EFCAB6: variants seen among roughly 807,000 people sequenced by gnomAD.
EFCAB6 encodes EF-hand calcium binding domain 6.
In EFCAB6, 156 loss-of-function variants were observed where a neutral mutation model predicts 169.8. That is an observed-to-expected ratio of 0.92 (90% CI 0.81 to 1.05). The LOEUF (loss-of-function observed/expected upper bound fraction) is 1.05, where lower values mean the gene tolerates loss of function less well. Among genes scored for constraint, EFCAB6 ranks in the 50% least tolerant of loss-of-function variants. EFCAB6 has a pLI of 0.00. For missense variants in EFCAB6, 1,800 were observed against 1,829.1 expected (o/e 0.98, Z 0.29); for synonymous variants, 698 against 676.4 (o/e 1.03, Z -0.50).
intron 17 of EFCAB6, among the ~76,000 whole-genome samples, chr22:43,662,405 A>C (rs1260417449): frequency 6.6e-6 from 1 of 152,064 alleles, no homozygotes; most frequent in Non-Finnish European, 1.5e-5. Flanking sequence ...GGCTGGTGGG[A>C]ATAAATAATT....
At chr22:43,550,465 A>T (rs1210907876) in intron 27 of EFCAB6, among the ~76,000 whole-genome samples, 1 of 152,156 alleles carries the variant, frequency 6.6e-6, no homozygotes, top group African/African-American at 2.4e-5. Context: ...TGAGATCAGG[A>T]GTTCAAGACC....
chr22:43,794,896 A>G (rs2062444681), intron 2 of EFCAB6, among the ~76,000 whole-genome samples: 1 of 152,216 alleles, frequency 6.6e-6, no homozygotes, highest in African/African-American at 2.4e-5. Context: ...GGGTATCACA[A>G]AAAACAATTT....
chr22:43,606,432 A>G (rs910253577), intron 22 of EFCAB6, among the ~76,000 whole-genome samples: 5 of 152,182 alleles, frequency 3.3e-5, no homozygotes, highest in Non-Finnish European at 7.3e-5. Flanking sequence ...GAACAAATGA[A>G]GAAAGGGTGT....
chr22:43,708,551 GA>G (rs1324993349), intron 10 of EFCAB6, among the ~76,000 whole-genome samples: 2 of 151,988 alleles, frequency 1.3e-5, no homozygotes, highest in African/African-American at 4.8e-5. Flanking sequence ...ACTTGACAGT[GA>G]AAAAAGCAAA....
At chr22:43,748,659 G>A (rs1021723892) in intron 6 of EFCAB6, among the ~76,000 whole-genome samples, 6 of 152,090 alleles carry the variant, frequency 3.9e-5, no homozygotes, top group African/African-American at 1.4e-4. Flanking sequence ...ACTGTTCAAG[G>A]CACTGAAGTT....
chr22:43,609,006 T>C (rs2053119140), intron 21 of EFCAB6, among the ~76,000 whole-genome samples: 1 of 152,198 alleles, frequency 6.6e-6, no homozygotes, highest in African/African-American at 2.4e-5. Flanking sequence ...CTCCAGCTAT[T>C]ATGACAAGAT....
At chr22:43,806,750 C>G (rs1017043917) in intron 2 of EFCAB6, among the ~76,000 whole-genome samples, 68 of 152,304 alleles carry the variant, frequency 4.5e-4, no homozygotes, top group African/African-American at 1.6e-3. Context: ...TGGCACACTT[C>G]AATTAATCTT....
In EFCAB6 at chr22:43,744,546, C is replaced by G. The variant is rs1467656283; in HGVS notation, c.508-8553G>C. Among the ~76,000 whole-genome samples the G allele has an allele frequency of 6.6e-6, 1 of 152,038 alleles. No homozygotes were observed. Among genetic ancestry groups the G allele is most frequent in the Non-Finnish European group, 1.5e-5 (1 of 68,002 alleles). ...ATGACAGGTAGAAATCTTGAGCTGT[C>G]CTGTTCCCAAGGGACTGCTCATCAG... On this transcript the variant is annotated intron_variant, in intron 6 of 31. Transcript: ENST00000262726. This position sits in a 1 kb window ranked among gnomAD's most constrained non-coding sequence, Gnocchi z 4.3.
rs139056195 is a variant in EFCAB6 at position 43,726,822 on chromosome 22, G to A, written c.757+4877C>T. 9.0e-3 allele frequency among the ~76,000 whole-genome samples: 1,375 copies of A among 152,284 alleles called. 22 individuals carry two copies. Among genetic ancestry groups the A allele is most frequent in the African/African-American group, 0.032 (1,329 of 41,576 alleles). ...AATAATGAAACAAAGATGTCCCACCGCTGGGAGGACAAAGTTTAGAGTCTG... is the reference window on the plus strand; with the variant it reads ...AATAATGAAACAAAGATGTCCCACCACTGGGAGGACAAAGTTTAGAGTCTG... On this transcript the variant is annotated intron_variant, in intron 8 of 31. Transcript: ENST00000262726.
chr22:43,687,431 T>G (rs749985727), intron 11 of EFCAB6, 40 bp downstream of exon 11: 3 of 1,187,372 alleles, frequency 2.5e-6, no homozygotes, highest in Non-Finnish European at 3.6e-6. Context: ...TATTATGATA[T>G]GTGTAACTAA....
At position 43,618,220 on chromosome 22, in the gene EFCAB6, A is replaced by AAGAAAGAAAGAAAGAAAGAG. The variant is rs1569257492; in HGVS notation, c.2466-2299_2466-2298insCTCTTTCTTTCTTTCTTTCT. Among the ~76,000 whole-genome samples, 4 of 120,818 alleles carry AAGAAAGAAAGAAAGAAAGAG rather than the reference A, an allele frequency of 3.3e-5. No individual in the cohort carries two copies. In the East Asian group the frequency reaches 7.8e-4, roughly 23 times the overall value. 79.3% of individuals were successfully genotyped at this position (120,818 alleles called of 152,430 possible). ...AAAGAAAGAAAGAAAGAAAGAAAGA[A>AAGAAAGAAAGAAAGAAAGAG]AGAGAAAGAAAGAAAGAGAGAGAAA... On this transcript the variant is annotated intron_variant, in intron 20 of 31. Coordinates refer to ENST00000262726, the MANE Select transcript of EFCAB6 (RefSeq NM_022785.4).
At chr22:43,540,069 G>C (rs2047607715) in intron 28 of EFCAB6, 58 bp downstream of exon 28, 1 of 1,589,274 alleles carries the variant, frequency 6.3e-7, no homozygotes. Flanking sequence ...TCCCCCCAGT[G>C]GGATTTGTGG....
chr22:43,650,199 T>C (rs1020505580), intron 17 of EFCAB6, among the ~76,000 whole-genome samples: 2 of 152,184 alleles, frequency 1.3e-5, no homozygotes, highest in African/African-American at 2.4e-5. Flanking sequence ...GGTTTGGCTG[T>C]GTCCCCACCC....
rs868427609 is a variant in EFCAB6, at chr22:43,725,162, C to T, written c.757+6537G>A. On this transcript the variant is annotated intron_variant, in intron 8 of 31. Transcript: ENST00000262726. ...TTTTTTTTTTTTTTTTTTTTTTAGA[C>T]GGAGTTTCATTCTTGTTGCCCAGGC... is the stretch of plus-strand genomic sequence containing the variant. Among the ~76,000 whole-genome samples, 62 of 105,298 alleles carry T rather than the reference C, an allele frequency of 5.9e-4. No homozygotes were observed. The Middle Eastern group carries it at 0.033, about 56-fold the overall frequency. 69.1% of individuals were successfully genotyped at this position (105,298 alleles called of 152,430 possible).
Position 43,537,554 on chromosome 22 carries a change from GAAGAA to G in EFCAB6, c.3880-14_3880-10del. Reference sequence around the variant, plus strand: ...GTGGTGCTCGCTGGAGTCTAGCAGGGAAGAAAAGAAAAGGCTCTTTTCACTTAAGA... The same window carrying G: ...GTGGTGCTCGCTGGAGTCTAGCAGGGAAGAAAAGGCTCTTTTCACTTAAGA... On this transcript the variant is annotated splice_polypyrimidine_tract_variant and intron_variant, in intron 28 of 31. Coordinates refer to ENST00000262726, the MANE Select transcript of EFCAB6 (RefSeq NM_022785.4). This position sits in a 1 kb window ranked among gnomAD's most constrained non-coding sequence, Gnocchi z 4.3. The G allele has an allele frequency of 6.3e-7, 1 of 1,599,866 alleles. No homozygotes were observed.
chr22:43,805,673 G>C (rs1001847433), intron 2 of EFCAB6, among the ~76,000 whole-genome samples: 2 of 152,224 alleles, frequency 1.3e-5, no homozygotes, highest in African/African-American at 4.8e-5. Flanking sequence ...ATAACCTATT[G>C]TACATTTCAA....
chr22:43,747,361 T>A (rs542966751), intron 6 of EFCAB6, among the ~76,000 whole-genome samples: 2 of 152,242 alleles, frequency 1.3e-5, no homozygotes, highest in South Asian at 4.2e-4. Context: ...ACGTACATTG[T>A]GAATCCTCAA....
At chr22:43,580,136 G>T (rs1002422521) in intron 25 of EFCAB6, among the ~76,000 whole-genome samples, 8 of 152,112 alleles carry the variant, frequency 5.3e-5, no homozygotes, top group Admixed American at 6.5e-5. Flanking sequence ...TCATCTCTGT[G>T]GACCCAGTGC....
chr22:43,711,475 C>T lies in EFCAB6; in HGVS notation c.1031G>A (p.Arg344Lys), dbSNP rs544045771. The T allele has an allele frequency of 6.3e-7, 1 of 1,577,000 alleles. No individual in the cohort carries two copies. The highest frequency in any genetic ancestry group is 2.0e-5 in the Admixed American group (1 of 49,306). ...GTCAAGGAAACAATGAGACTCTTAC[C>T]TTTTCATTAACTGGATAAAAATTCT... ...PRRIFIQLMK[R>K]FGLKATTKIN... The change falls in exon 10 of 32, where the codon AGA (arginine) becomes AAA (lysine). Residue 344 changes from arginine to lysine, a missense_variant and splice_region_variant. Physicochemically the swap from Arg to Lys is conservative, Grantham distance 26. Coordinates refer to ENST00000262726, the MANE Select transcript of EFCAB6 (RefSeq NM_022785.4).
Sources: gnomAD v4.1 joint callset for allele counts (sites outside exome capture counted in the v4.1 genomes callset) on GRCh38, gnomAD v4.1.1 for gene constraint, Gnocchi (gnomAD v3.1) non-coding constraint, MANE v1.5 for transcripts, NCBI Gene and HGNC (gene_info 2026-07-23, HGNC 2026-07-21) for gene names.